Variants in STK39 observed in about 807,000 individuals in gnomAD.
STK39 encodes the protein STE20/SPS1-related proline-alanine-rich protein kinase.
Under a neutral mutation model 77.8 loss-of-function variants are expected in STK39, and 20 were observed. The ratio of observed to expected loss-of-function variants is 0.26; its 90% CI spans 0.18 to 0.37. The LOEUF (loss-of-function observed/expected upper bound fraction) is 0.37, where lower values mean the gene tolerates loss of function less well. Ranked by LOEUF, STK39 falls within the 10% of genes least tolerant of loss-of-function variation. The probability of loss-of-function intolerance (pLI) is 1.00; values close to 1 mark genes in which losing one functional copy is unlikely to be tolerated. For missense variants in STK39, 479 were observed against 656.5 expected, an observed-to-expected ratio of 0.73 and a Z score of 2.95; for synonymous variants, 246 against 234.1, an observed-to-expected ratio of 1.05 and a Z score of -0.47.
chr2:168,146,266 A>G (rs1688137408), intron 5 of STK39, among the ~76,000 whole-genome samples: 1 of 152,366 alleles, frequency 6.6e-6, no homozygotes, highest in South Asian at 2.1e-4. Context: ...ATTTGGTCTG[A>G]AAGTTGATTT....
chr2:168,087,074 C>G (rs1686387105), intron 10 of STK39, among the ~76,000 whole-genome samples: 1 of 152,248 alleles, frequency 6.6e-6, no homozygotes, highest in African/African-American at 2.4e-5. Context: ...TAGGAACACT[C>G]TGTCCTGGTA....
chr2:167,979,729 CT>C (rs1559042326), intron 16 of STK39, among the ~76,000 whole-genome samples: 2 of 152,284 alleles, frequency 1.3e-5, no homozygotes, highest in East Asian at 3.9e-4. Context: ...TGTGCTAGAG[CT>C]TTTTGTACAG....
intron 1 of STK39, among the ~76,000 whole-genome samples, chr2:168,236,480 CT>C (rs1485028983): frequency 6.6e-6 from 1 of 152,154 alleles, no homozygotes; most frequent in African/African-American, 2.4e-5. Context: ...TCAATTTTGG[CT>C]TTTGTTGCCA....
chr2:168,197,539 C>T (rs548983861), intron 1 of STK39, among the ~76,000 whole-genome samples: 2 of 152,202 alleles, frequency 1.3e-5, no homozygotes, highest in African/African-American at 2.4e-5. Flanking sequence ...ATGTGCTTCC[C>T]GTGTTCAAGA....
intron 11 of STK39, 43 bp from the exon 12 acceptor site, chr2:168,075,054 C>T (rs1324046099): frequency 1.2e-6 from 2 of 1,614,004 alleles, no homozygotes; most frequent in Admixed American, 3.3e-5. Context: ...TACACACACA[C>T]AATCACAAAA....
intron 16 of STK39, among the ~76,000 whole-genome samples, chr2:167,978,281 G>T (rs1050984024): frequency 9.2e-5 from 14 of 152,074 alleles, no homozygotes; most frequent in Non-Finnish European, 1.8e-4. Flanking sequence ...GCAAGAGGTG[G>T]TTTTTTGGGA....
At chr2:168,029,389 G>A (rs988280653) in intron 14 of STK39, among the ~76,000 whole-genome samples, 8 of 152,100 alleles carry the variant, frequency 5.3e-5, no homozygotes, top group South Asian at 2.1e-4. Context: ...CCTTTATAAG[G>A]GACACTGAGT....
chr2:168,223,510 CAAAAAAAAAAAAAA>C (rs60067513), intron 1 of STK39, among the ~76,000 whole-genome samples: 3 of 102,212 alleles, frequency 2.9e-5, no homozygotes, highest in Non-Finnish European at 5.8e-5. Flanking sequence ...GACTCCGTCT[CAAAAAAAAAAAAAA>C]AAAAAGAAAA....
chr2:168,130,456 A>G (rs1461368194), intron 8 of STK39, among the ~76,000 whole-genome samples: 1 of 152,188 alleles, frequency 6.6e-6, no homozygotes, highest in African/African-American at 2.4e-5. Flanking sequence ...TTCATAGATG[A>G]TGGCACACAC....
At chr2:168,024,007 C>A (rs1470944161) in intron 14 of STK39, among the ~76,000 whole-genome samples, 1 of 152,192 alleles carries the variant, frequency 6.6e-6, no homozygotes, top group Non-Finnish European at 1.5e-5. Flanking sequence ...GATACCCACA[C>A]ACTCAATTCC....
chr2:168,128,045 C>G (rs10209657), intron 10 of STK39, among the ~76,000 whole-genome samples: 148,772 of 152,150 alleles, frequency 0.98, 72,807 homozygotes, highest in East Asian at 1. Flanking sequence ...ACTGTGATAG[C>G]GAGGCTGGCA....
intron 16 of STK39, among the ~76,000 whole-genome samples, chr2:168,001,712 G>A (rs1684006377): frequency 6.6e-6 from 1 of 152,098 alleles, no homozygotes; most frequent in African/African-American, 2.4e-5. Flanking sequence ...GAAATCATGA[G>A]GCAGTGACTT....
intron 16 of STK39, among the ~76,000 whole-genome samples, chr2:168,006,480 C>T (rs1009969535): frequency 6.6e-6 from 1 of 152,080 alleles, no homozygotes; most frequent in South Asian, 2.1e-4. Flanking sequence ...TATTTCTTGC[C>T]GGCTGTTTTT....
At chr2:168,200,434 G>A (rs1426232171) in intron 1 of STK39, among the ~76,000 whole-genome samples, 1 of 152,118 alleles carries the variant, frequency 6.6e-6, no homozygotes, top group East Asian at 1.9e-4. Flanking sequence ...GGAGGCTGAG[G>A]CAGGTGGATT....
At chr2:168,018,544 A>G (rs1365613193) in intron 14 of STK39, among the ~76,000 whole-genome samples, 1 of 119,854 alleles carries the variant, frequency 8.3e-6, no homozygotes, top group African/African-American at 3.2e-5. Context: ...AAAGAAAAGA[A>G]AGAAAGAAAG....
rs72887693 is a variant in STK39 at position 168,085,484 on chromosome 2, T to C, written c.1090-10253A>G. Among the ~76,000 whole-genome samples the C allele has an allele frequency of 4.0e-3, 607 of 152,328 alleles. 4 individuals carry two copies. The highest frequency in any genetic ancestry group is 6.1e-3 in the Admixed American group (94 of 15,304). ...TCTCTTTAGTTCACAGGCTTTAAGA[T>C]TGAAAAATCAAGGAGCTGTGCCCAT... On this transcript the variant is annotated intron_variant, in intron 10 of 17. Coordinates refer to ENST00000355999, the MANE Select transcript of STK39 (RefSeq NM_013233.3).
At chr2:168,065,280 C>T (rs553186254) in intron 13 of STK39, 39 bp downstream of exon 13, 2 of 1,609,144 alleles carry the variant, frequency 1.2e-6, no homozygotes, top group East Asian at 2.2e-5. Flanking sequence ...GATCTGTCTA[C>T]AAAGCACCTC....
intron 14 of STK39, among the ~76,000 whole-genome samples, chr2:168,060,437 GCAGA>G (rs887917784): frequency 3.9e-5 from 6 of 152,198 alleles, no homozygotes; most frequent in African/African-American, 1.4e-4. Context: ...GACTCAGTAA[GCAGA>G]CAGACAGCTG....
intron 10 of STK39, among the ~76,000 whole-genome samples, chr2:168,101,190 C>G (rs1574465474): frequency 1.3e-5 from 2 of 152,088 alleles, no homozygotes; most frequent in Non-Finnish European, 2.9e-5. Context: ...GGGAACATCA[C>G]ACACCAGGGC....
Sources: allele counts gnomAD v4.1 joint callset (sites outside exome capture counted in the v4.1 genomes callset), GRCh38; gene constraint gnomAD v4.1.1; transcripts MANE v1.5; gene names NCBI Gene and HGNC (gene_info 2026-07-23, HGNC 2026-07-21).